GRM4: variants seen among roughly 807,000 people sequenced by gnomAD.
The protein encoded by GRM4 is glutamate metabotropic receptor 4, also known as metabotropic glutamate receptor 4.
Under a neutral mutation model 81.7 loss-of-function variants are expected in GRM4, and 28 were observed. That is an observed-to-expected ratio of 0.34 (90% CI 0.25 to 0.47). The LOEUF is 0.47. GRM4 is among the 20% of genes least tolerant of loss of function. The pLI, the probability that GRM4 is intolerant of heterozygous loss-of-function variation, is 1.00. For missense variants in GRM4, 948 were observed against 1,290.0 expected (o/e 0.73, Z 4.06); for synonymous variants, 488 against 528.8 (o/e 0.92, Z 1.06).
chr6:34,045,979 G>A (rs1217556788), intron 6 of GRM4, among the ~76,000 whole-genome samples: 2 of 152,204 alleles, frequency 1.3e-5, no homozygotes, highest in African/African-American at 2.4e-5. Context: ...ACCCCGAAGC[G>A]TGGTTACTAC....
At chr6:34,026,186 C>T (rs547493893) in intron 10 of GRM4, among the ~76,000 whole-genome samples, 11 of 152,334 alleles carry the variant, frequency 7.2e-5, no homozygotes, top group Admixed American at 1.3e-4. Flanking sequence ...AGATATGTAG[C>T]CTGCCAGTGA....
Position 34,074,457 on chromosome 6 carries a change from T to C in GRM4, c.737-12429A>G, listed in dbSNP as rs1767204554. ...GCTGTGAGGCTCAACATCTCAGAGC[T>C]GAGCCCTTCCGCCCCCTACCAGGAG... is the stretch of plus-strand genomic sequence containing the variant. On this transcript the variant is annotated intron_variant, in intron 3 of 10. Transcript: ENST00000538487. This position sits in a 1 kb window ranked among gnomAD's most constrained non-coding sequence, Gnocchi z 4.9. 6.6e-6 allele frequency among the ~76,000 whole-genome samples: 1 copy of C among 151,978 alleles called. No individual in the cohort carries two copies. Among genetic ancestry groups the C allele is most frequent in the African/African-American group, 2.4e-5 (1 of 41,260 alleles).
At chr6:34,147,901 TG>T (rs1249219437), upstream of GRM4, among the ~76,000 whole-genome samples, 3 of 36,472 alleles carry the variant, frequency 8.2e-5, no homozygotes, top group African/African-American at 1.8e-4. Flanking sequence ...ATACTTTTGT[TG>T]AATGAATGAA....
Position 34,084,513 on chromosome 6 carries a change from G to A in GRM4, c.736+7370C>T, listed in dbSNP as rs78810204. On this transcript the variant is annotated intron_variant, in intron 3 of 10. Coordinates refer to ENST00000538487, the MANE Select transcript of GRM4 (RefSeq NM_000841.4). Reference sequence around the variant, plus strand: ...GGCAGGTGAGGGGCACCTGCAGGGAGGAGGGGCCTTGGCTCTGAGCCTCAA... The same window carrying A: ...GGCAGGTGAGGGGCACCTGCAGGGAAGAGGGGCCTTGGCTCTGAGCCTCAA... Among the ~76,000 whole-genome samples, 615 of 152,280 alleles carry A rather than the reference G, an allele frequency of 4.0e-3. 5 individuals are homozygous for A. The highest frequency in any genetic ancestry group is 0.014 in the African/African-American group (565 of 41,560).
At chr6:34,110,884 C>A in intron 2 of GRM4, 1 of 1,292,626 alleles carries the variant, frequency 7.7e-7, no homozygotes, top group Non-Finnish European at 9.8e-7. Flanking sequence ...GCAGGAAGTT[C>A]CCCCCAGGGC....
Position 34,124,639 on chromosome 6 carries a change from C to G in GRM4, c.519+8339G>C, listed in dbSNP as rs57556086. 6.6e-3 allele frequency among the ~76,000 whole-genome samples: 1,008 copies of G among 152,294 alleles called. 5 individuals are homozygous for G. Among genetic ancestry groups the G allele is most frequent in the Middle Eastern group, 0.044 (13 of 294 alleles). On this transcript the variant is annotated intron_variant, in intron 2 of 10. Coordinates refer to ENST00000538487, the MANE Select transcript of GRM4 (RefSeq NM_000841.4). ...ATTAAATCTGAATTCCTGAGGTGGG[C>G]CGGGGTATGAGGCTTCTCTAAACTC...
At chr6:34,061,688 G>T in intron 4 of GRM4, 1 of 491,932 alleles carries the variant, frequency 2.0e-6, no homozygotes, top group Non-Finnish European at 3.6e-6. Context: ...GAAATGGAGA[G>T]GGGAGGGAAG....
At chr6:34,040,137 G>GCGT in intron 8 of GRM4, 41 bp downstream of exon 8, 1 of 1,600,594 alleles carries the variant, frequency 6.2e-7, no homozygotes, top group Non-Finnish European at 8.6e-7. Context: ...GGCTGGAACT[G>GCGT]CGTGAGTCAC....
At chr6:34,143,219 C>T (rs2451332) in intron 1 of GRM4, among the ~76,000 whole-genome samples, 54,774 of 151,912 alleles carry the variant, frequency 0.36, 10,839 homozygotes, top group East Asian at 0.59. Context: ...ATAAAGACAG[C>T]GGCCACCCAA....
chr6:34,051,885 G>A (rs904781844), intron 6 of GRM4, among the ~76,000 whole-genome samples: 1 of 152,204 alleles, frequency 6.6e-6, no homozygotes, highest in Admixed American at 6.5e-5. Flanking sequence ...GGAAATCGAG[G>A]CCCCCAGAGG....
In GRM4 at chr6:34,087,699, A is replaced by ACC. The variant is rs112740380; in HGVS notation, c.736+4182_736+4183dup. Reference sequence around the variant, plus strand: ...ACACGTGCCCGCACACACACACACAACCCCCCCCCCACACACACACACACA... The same window carrying ACC: ...ACACGTGCCCGCACACACACACACAACCCCCCCCCCCCACACACACACACACA... On this transcript the variant is annotated intron_variant, in intron 3 of 10. Coordinates refer to ENST00000538487, the MANE Select transcript of GRM4 (RefSeq NM_000841.4). Among the ~76,000 whole-genome samples, 100 of 86,212 alleles carry ACC rather than the reference A, an allele frequency of 1.2e-3. 2 individuals are homozygous for ACC. Among genetic ancestry groups the ACC allele is most frequent in the African/African-American group, 1.6e-3 (45 of 28,856 alleles). The allele number at this position is 86,212 out of a possible 152,430, so 56.6% of individuals were successfully genotyped here.
At chr6:34,148,217 G>T (rs1164347244), upstream of GRM4, among the ~76,000 whole-genome samples, 1 of 152,076 alleles carries the variant, frequency 6.6e-6, no homozygotes, top group African/African-American at 2.4e-5. Flanking sequence ...GACCACCCCG[G>T]GCCTCCAGAC....
intron 6 of GRM4, among the ~76,000 whole-genome samples, chr6:34,044,673 C>T (rs1334859008): frequency 8.0e-6 from 1 of 125,582 alleles, no homozygotes; most frequent in Admixed American, 7.5e-5. Context: ...TATACACAGA[C>T]ACACACACAC....
At chr6:34,053,565 C>T (rs985267029) in intron 6 of GRM4, among the ~76,000 whole-genome samples, 11 of 152,196 alleles carry the variant, frequency 7.2e-5, no homozygotes, top group African/African-American at 1.9e-4. Context: ...TGAGACATAC[C>T]GCGTCTAGAG....
At chr6:34,104,331 C>T (rs749841576) in intron 2 of GRM4, among the ~76,000 whole-genome samples, 19 of 152,178 alleles carry the variant, frequency 1.2e-4, no homozygotes, top group Non-Finnish European at 2.1e-4. Flanking sequence ...GGGCAGGAGG[C>T]GGCAGCAGCA....
rs1298180873 is a variant in GRM4, at chr6:34,092,075, T to C, written c.544A>G (p.Thr182Ala). ...CTGTTGTCACTCAGGTCTGGCGCTG[T>C]GGAGGCGTAGCTGATCTGGGGTATC... is the stretch of plus-strand genomic sequence containing the variant. Reference protein sequence around the residue: ...FKIPQISYASTAPDLSDNSRY... With the variant: ...FKIPQISYASAAPDLSDNSRY... Residue 182 changes from threonine to alanine, a missense_variant, in exon 3 of 11, where the codon ACA becomes GCA. Physicochemically the swap from Thr to Ala is moderately conservative, Grantham distance 58. Transcript: ENST00000538487. This position sits in a 1 kb window ranked among gnomAD's most constrained non-coding sequence, Gnocchi z 6.8. 6.2e-7 allele frequency: 1 copy of C among 1,610,226 alleles called. No individual in the cohort carries two copies. Among genetic ancestry groups the C allele is most frequent in the Non-Finnish European group, 8.5e-7 (1 of 1,176,994 alleles).
chr6:34,087,773 ACCAGAACTTC>A (rs1767983792), intron 3 of GRM4, among the ~76,000 whole-genome samples: 1 of 93,560 alleles, frequency 1.1e-5, no homozygotes, highest in African/African-American at 4.2e-5. Context: ...CAGTCACATG[ACCAGAACTTC>A]CCAGACATGC....
intron 2 of GRM4, among the ~76,000 whole-genome samples, chr6:34,098,536 C>T (rs911123823): frequency 6.6e-6 from 1 of 152,214 alleles, no homozygotes; most frequent in Non-Finnish European, 1.5e-5. Context: ...TTTAAGATCC[C>T]CACCTGCCTG....
intron 9 of GRM4, among the ~76,000 whole-genome samples, chr6:34,032,713 A>G (rs1764499153): frequency 6.6e-6 from 1 of 152,114 alleles, no homozygotes; most frequent in Admixed American, 6.5e-5. Context: ...GCCTCCTAAA[A>G]AGGCAGGAAT....
Sources: gnomAD v4.1 joint callset for allele counts (sites outside exome capture counted in the v4.1 genomes callset) on GRCh38, gnomAD v4.1.1 for gene constraint, Gnocchi (gnomAD v3.1) non-coding constraint, MANE v1.5 for transcripts, NCBI Gene and HGNC (gene_info 2026-07-23, HGNC 2026-07-21) for gene names.